Variants in CDK14 observed in about 807,000 individuals in gnomAD.
The protein encoded by CDK14 is cyclin dependent kinase 14.
CDK14 carries 34 observed loss-of-function variants against 60.7 expected under a neutral mutation model. The ratio of observed to expected loss-of-function variants is 0.56; its 90% CI spans 0.43 to 0.75. The LOEUF is 0.75. Among genes scored for constraint, CDK14 ranks in the 30% least tolerant of loss-of-function variants. The pLI is 0.00. For missense variants in CDK14, 482 were observed against 564.1 expected, an observed-to-expected ratio of 0.85 and a Z score of 1.47; for synonymous variants, 197 against 203.7, an observed-to-expected ratio of 0.97 and a Z score of 0.28.
At chr7:91,178,754 T>C (rs1385203915) in intron 14 of CDK14, among the ~76,000 whole-genome samples, 1 of 151,092 alleles carries the variant, frequency 6.6e-6, no homozygotes, top group Non-Finnish European at 1.5e-5. Flanking sequence ...AAAACCACTA[T>C]TAGATACCAT....
intron 10 of CDK14, among the ~76,000 whole-genome samples, chr7:91,002,203 CA>C (rs1264155585): frequency 6.6e-6 from 1 of 152,116 alleles, no homozygotes; most frequent in African/African-American, 2.4e-5. Context: ...AGTATCCCCC[CA>C]ACCTCCTTAG....
chr7:91,057,069 T>G (rs1168808890), intron 11 of CDK14, among the ~76,000 whole-genome samples: 38 of 152,266 alleles, frequency 2.5e-4, no homozygotes. Flanking sequence ...CTCCAGCACC[T>G]GTTGTTTCCT....
chr7:90,682,434 G>A (rs1054281150), intron 2 of CDK14, among the ~76,000 whole-genome samples: 3 of 152,140 alleles, frequency 2.0e-5, no homozygotes, highest in Non-Finnish European at 2.9e-5. Flanking sequence ...TATTGTGTGT[G>A]TATATAGATA....
intron 2 of CDK14, among the ~76,000 whole-genome samples, chr7:90,616,994 A>G (rs1418921366): frequency 6.6e-6 from 1 of 152,118 alleles, no homozygotes; most frequent in East Asian, 1.9e-4. Flanking sequence ...TTCAGCTTCA[A>G]AACCTTACCT....
chr7:90,755,490 G>T (rs758683684), intron 4 of CDK14, among the ~76,000 whole-genome samples: 1 of 152,048 alleles, frequency 6.6e-6, no homozygotes, highest in African/African-American at 2.4e-5. Context: ...GGGGGAAAAG[G>T]GTTGAAAAAC....
At chr7:90,598,703 G>GTTTTTTTTTTTTTT (rs1563010964) in intron 1 of CDK14, among the ~76,000 whole-genome samples, 1 of 18,620 alleles carries the variant, frequency 5.4e-5, no homozygotes, top group Non-Finnish European at 9.7e-5. Flanking sequence ...ATTATCTAAG[G>GTTTTTTTTTTTTTT]ATTTTTTTTT....
chr7:90,914,736 CTAAT>C (rs1234409552), intron 7 of CDK14, among the ~76,000 whole-genome samples: 2 of 152,070 alleles, frequency 1.3e-5, no homozygotes, highest in Non-Finnish European at 2.9e-5. Flanking sequence ...TATATTTTCA[CTAAT>C]TAGTAAAGGT....
intron 10 of CDK14, among the ~76,000 whole-genome samples, chr7:91,000,577 A>C (rs1795809859): frequency 6.6e-6 from 1 of 152,222 alleles, no homozygotes; most frequent in Non-Finnish European, 1.5e-5. Context: ...ACAATGACAG[A>C]GAGTACTCTT....
At chr7:91,042,982 C>A (rs756099446) in intron 10 of CDK14, among the ~76,000 whole-genome samples, 1 of 152,120 alleles carries the variant, frequency 6.6e-6, no homozygotes, top group Non-Finnish European at 1.5e-5. Flanking sequence ...TTTAATTATT[C>A]TTTTCCTTTG....
chr7:90,908,753 G>T (rs1174846293), intron 7 of CDK14, among the ~76,000 whole-genome samples: 1 of 152,134 alleles, frequency 6.6e-6, no homozygotes, highest in Non-Finnish European at 1.5e-5. Flanking sequence ...ATAAATTTCT[G>T]TTACTTCAGA....
At chr7:91,182,628 G>A (rs369980328) in intron 14 of CDK14, among the ~76,000 whole-genome samples, 17 of 152,012 alleles carry the variant, frequency 1.1e-4, no homozygotes, top group Admixed American at 7.2e-4. Context: ...AAGCAAGTAC[G>A]TATCTATATT....
At chr7:90,934,836 C>G (rs1584140964) in intron 8 of CDK14, among the ~76,000 whole-genome samples, 4 of 152,192 alleles carry the variant, frequency 2.6e-5, no homozygotes, top group South Asian at 2.1e-4. Context: ...TAACTTCAAA[C>G]TAAACTGCTT....
intron 2 of CDK14, among the ~76,000 whole-genome samples, chr7:90,639,755 G>A (rs867251010): frequency 6.6e-6 from 1 of 151,702 alleles, no homozygotes; most frequent in South Asian, 2.1e-4. Context: ...GCCTCCTTGA[G>A]CTGTGTTGGG....
chr7:90,698,197 T>C (rs1801707361), intron 2 of CDK14, among the ~76,000 whole-genome samples: 1 of 152,042 alleles, frequency 6.6e-6, no homozygotes, highest in Non-Finnish European at 1.5e-5. Context: ...TTCTGATAGG[T>C]AGGATTAATT....
chr7:90,899,568 C>T (rs553489524), intron 7 of CDK14, among the ~76,000 whole-genome samples: 1 of 152,008 alleles, frequency 6.6e-6, no homozygotes, highest in Non-Finnish European at 1.5e-5. Context: ...ATTTAGATCT[C>T]ATCTTATATT....
At chr7:90,837,603 A>T (rs1006093565) in intron 5 of CDK14, among the ~76,000 whole-genome samples, 3 of 152,208 alleles carry the variant, frequency 2.0e-5, no homozygotes, top group Admixed American at 2.0e-4. Context: ...CAAAGGCTGG[A>T]TGTATTATCT....
intron 7 of CDK14, among the ~76,000 whole-genome samples, chr7:90,915,283 C>T (rs960606444): frequency 1.4e-4 from 22 of 151,992 alleles, no homozygotes; most frequent in African/African-American, 5.3e-4. Context: ...AAAAATAATA[C>T]AAAAAATTAG....
At chr7:90,931,093 C>T (rs1793579101) in intron 8 of CDK14, among the ~76,000 whole-genome samples, 1 of 152,138 alleles carries the variant, frequency 6.6e-6, no homozygotes, top group Non-Finnish European at 1.5e-5. Flanking sequence ...TGCTATCTAG[C>T]ACTGTATCAA....
intron 7 of CDK14, among the ~76,000 whole-genome samples, chr7:90,914,964 A>T (rs938961704): frequency 1.3e-5 from 2 of 152,174 alleles, no homozygotes; most frequent in African/African-American, 4.8e-5. Context: ...TAAGTATCAT[A>T]CTGTGATAGA....
Sources: allele counts gnomAD v4.1 joint callset (sites outside exome capture counted in the v4.1 genomes callset), GRCh38; gene constraint gnomAD v4.1.1; transcripts MANE v1.5; gene names NCBI Gene and HGNC (gene_info 2026-07-23, HGNC 2026-07-21).